ADAM10: variants seen among roughly 807,000 people sequenced by gnomAD.
ADAM10 encodes disintegrin and metalloproteinase domain-containing protein 10.
Under a neutral mutation model 90.1 loss-of-function variants are expected in ADAM10, and 17 were observed. The ratio of observed to expected loss-of-function variants is 0.19; its 90% CI spans 0.13 to 0.28. The LOEUF (loss-of-function observed/expected upper bound fraction) is 0.28, where lower values mean the gene tolerates loss of function less well. ADAM10 is among the 10% of genes least tolerant of loss of function. ADAM10 has a pLI of 1.00. For missense variants in ADAM10, 610 were observed against 914.3 expected (o/e 0.67, Z 4.29); for synonymous variants, 310 against 298.6 (o/e 1.04, Z -0.40).
At chr15:58,648,224 T>G (rs1185694642) in intron 5 of ADAM10, among the ~76,000 whole-genome samples, 1 of 152,204 alleles carries the variant, frequency 6.6e-6, no homozygotes, top group Non-Finnish European at 1.5e-5. Flanking sequence ...GTATTATAGA[T>G]GGGTACCAAC....
At chr15:58,707,767 A>G (rs1898350924) in intron 2 of ADAM10, among the ~76,000 whole-genome samples, 1 of 152,238 alleles carries the variant, frequency 6.6e-6, no homozygotes, top group African/African-American at 2.4e-5. Flanking sequence ...ATAATTGGCA[A>G]GTAAACTACT....
chr15:58,716,272 ATAG>A (rs1195091390), intron 2 of ADAM10, among the ~76,000 whole-genome samples: 2 of 152,214 alleles, frequency 1.3e-5, no homozygotes, highest in Non-Finnish European at 2.9e-5. Context: ...ATAATACCAA[ATAG>A]TAGCCAGGAT....
chr15:58,664,859 T>C (rs1478136339), intron 5 of ADAM10, among the ~76,000 whole-genome samples: 3 of 152,168 alleles, frequency 2.0e-5, no homozygotes, highest in African/African-American at 7.2e-5. Flanking sequence ...TAACAAAACA[T>C]GTAAAGGATA....
intron 1 of ADAM10, among the ~76,000 whole-genome samples, chr15:58,719,586 T>C (rs1266386350): frequency 6.6e-6 from 1 of 152,254 alleles, no homozygotes; most frequent in East Asian, 1.9e-4. Flanking sequence ...GTTAAGGGCA[T>C]AAACTCTGAT....
At chr15:58,616,106 G>A (rs766687404) in intron 11 of ADAM10, among the ~76,000 whole-genome samples, 7 of 152,096 alleles carry the variant, frequency 4.6e-5, no homozygotes, top group East Asian at 1.9e-4. Context: ...TATATGCACC[G>A]AACACCAGAG....
In ADAM10 at chr15:58,610,723, T is replaced by C. The variant is rs557557938; in HGVS notation, c.1805-206A>G. ...ATGTAAACAAGCAACCAGCAAGTCT[T>C]GACTCAGTGTCCACGATGACTTAAA... On this transcript the variant is annotated intron_variant, in intron 13 of 15. Transcript: ENST00000260408. 2.3e-4 allele frequency: 152 copies of C among 661,540 alleles called. 1 individual carries two copies. Among genetic ancestry groups the C allele is most frequent in the South Asian group, 2.2e-3 (121 of 55,612 alleles). The allele number at this position is 661,540 out of a possible 1,614,324, so 41.0% of individuals were successfully genotyped here.
intron 2 of ADAM10, among the ~76,000 whole-genome samples, chr15:58,696,535 G>A (rs1458231270): frequency 1.3e-5 from 2 of 148,522 alleles, no homozygotes; most frequent in Non-Finnish European, 3.0e-5. Flanking sequence ...CAGCGATCTC[G>A]GCTCACCGCA....
intron 10 of ADAM10, among the ~76,000 whole-genome samples, chr15:58,625,879 T>C (rs146522171): frequency 3.2e-4 from 48 of 152,360 alleles, no homozygotes; most frequent in African/African-American, 1.1e-3. Context: ...CAGGGAATTA[T>C]GTTGAGTGAG....
intron 2 of ADAM10, among the ~76,000 whole-genome samples, chr15:58,710,393 T>A (rs144434549): frequency 4.5e-4 from 68 of 152,382 alleles, no homozygotes; most frequent in African/African-American, 1.5e-3. Flanking sequence ...TTAGTTACTT[T>A]TAGTCATACA....
At chr15:58,703,437 A>C (rs1372337133) in intron 2 of ADAM10, among the ~76,000 whole-genome samples, 1 of 152,182 alleles carries the variant, frequency 6.6e-6, no homozygotes, top group Non-Finnish European at 1.5e-5. Context: ...AAATGAAAAC[A>C]ACCCAAATGT....
chr15:58,728,668 T>C (rs1325955471), intron 1 of ADAM10, among the ~76,000 whole-genome samples: 1 of 152,170 alleles, frequency 6.6e-6, no homozygotes, highest in African/African-American at 2.4e-5. Context: ...CCCTAAGATA[T>C]AAAATTTATA....
At chr15:58,747,269 T>A (rs776341734) in intron 1 of ADAM10, 3 of 152,238 alleles carry the variant, frequency 2.0e-5, no homozygotes, top group Non-Finnish European at 4.4e-5. Flanking sequence ...CTAAACACTT[T>A]AATTATTCCT....
chr15:58,592,953 A>G lies in ADAM10; in HGVS notation c.*4594T>C, dbSNP rs1390211920. ...TTAGAATTGTTTAAAATAATAAACA[A>G]TGTGGAACCTACATGTCCAAACAAT... is the stretch of plus-strand genomic sequence containing the variant. On this transcript the variant is annotated 3_prime_UTR_variant, in exon 16 of 16. Transcript: ENST00000260408. The G allele has an allele frequency of 1.3e-5, 2 of 150,328 alleles. No individual in the cohort carries two copies. Among genetic ancestry groups the G allele is most frequent in the Non-Finnish European group, 3.0e-5 (2 of 67,668 alleles). The allele number at this position is 150,328 out of a possible 1,614,324, so 9.3% of individuals were successfully genotyped here.
At chr15:58,680,694 T>C (rs1897409989) in intron 3 of ADAM10, among the ~76,000 whole-genome samples, 2 of 152,220 alleles carry the variant, frequency 1.3e-5, no homozygotes, top group Admixed American at 1.3e-4. Context: ...TACGATTCTC[T>C]GATTAAAATA....
intron 1 of ADAM10, among the ~76,000 whole-genome samples, chr15:58,744,764 C>T (rs1274973329): frequency 6.6e-6 from 1 of 152,338 alleles, no homozygotes; most frequent in East Asian, 1.9e-4. Flanking sequence ...AATCCCAGCA[C>T]TTTGGGAGGC....
Position 58,592,354 on chromosome 15 carries a change from T to C in ADAM10, c.*5193A>G, listed in dbSNP as rs1381958631. Reference sequence around the variant, plus strand: ...TATCCCAAAGGTAACTATAATTCTGTCCACTACCATCATTAACTCACAGAG... The same window carrying C: ...TATCCCAAAGGTAACTATAATTCTGCCCACTACCATCATTAACTCACAGAG... On this transcript the variant is annotated 3_prime_UTR_variant, in exon 16 of 16. Coordinates refer to ENST00000260408, the MANE Select transcript of ADAM10 (RefSeq NM_001110.4). 6.6e-6 allele frequency: 1 copy of C among 152,204 alleles called. No individual in the cohort carries two copies. Among genetic ancestry groups the C allele is most frequent in the African/African-American group, 2.4e-5 (1 of 41,444 alleles). The allele number at this position is 152,204 out of a possible 1,614,324, so 9.4% of individuals were successfully genotyped here. A position where few individuals can be genotyped will look rare whatever the true frequency, so the allele number is the denominator to read the frequency against.
At chr15:58,746,459 C>G (rs1197911224) in intron 1 of ADAM10, among the ~76,000 whole-genome samples, 1 of 152,182 alleles carries the variant, frequency 6.6e-6, no homozygotes, top group Non-Finnish European at 1.5e-5. Context: ...GGCAATGGTA[C>G]CTTCCTACAA....
intron 2 of ADAM10, among the ~76,000 whole-genome samples, chr15:58,696,924 C>G (rs1317221180): frequency 6.6e-6 from 1 of 152,166 alleles, no homozygotes; most frequent in African/African-American, 2.4e-5. Flanking sequence ...AGGCTGTACC[C>G]TGCCCTGGGG....
intron 2 of ADAM10, chr15:58,698,175 C>A: frequency 3.1e-6 from 1 of 323,106 alleles, no homozygotes; most frequent in Non-Finnish European, 6.0e-6. Context: ...TTTATGAGAT[C>A]CCAGAAAAAG....
Sources: gnomAD v4.1 joint callset for allele counts (sites outside exome capture counted in the v4.1 genomes callset) on GRCh38, gnomAD v4.1.1 for gene constraint, MANE v1.5 for transcripts, NCBI Gene and HGNC (gene_info 2026-07-23, HGNC 2026-07-21) for gene names.